Variants in NR6A1 observed in about 807,000 individuals in gnomAD.
The protein encoded by NR6A1 is nuclear receptor subfamily 6 group A member 1.
In NR6A1, 7 loss-of-function variants were observed where a neutral mutation model predicts 59.1. The ratio of observed to expected loss-of-function variants is 0.12; its 90% CI spans 0.07 to 0.22. The LOEUF is 0.22. Ranked by LOEUF, NR6A1 falls within the 10% of genes least tolerant of loss-of-function variation. NR6A1 has a pLI of 1.00. For synonymous variants in NR6A1, 243 were observed against 236.1 expected (o/e 1.03, Z -0.27); for missense variants, 468 against 611.6 (o/e 0.77, Z 2.48).
At chr9:124,589,699 A>G (rs1419709680) in intron 2 of NR6A1, among the ~76,000 whole-genome samples, 1 of 152,114 alleles carries the variant, frequency 6.6e-6, no homozygotes, top group Non-Finnish European at 1.5e-5. Flanking sequence ...TTTCTTGTGC[A>G]GTGGTTATTT....
intron 1 of NR6A1, among the ~76,000 whole-genome samples, chr9:124,750,141 A>C (rs2131170161): frequency 6.6e-6 from 1 of 152,372 alleles, no homozygotes; most frequent in Middle Eastern, 3.4e-3. Context: ...GGTTACTTTC[A>C]GTCCCTACCA....
chr9:124,593,507 C>T (rs1365514556), intron 2 of NR6A1, among the ~76,000 whole-genome samples: 1 of 152,164 alleles, frequency 6.6e-6, no homozygotes, highest in Admixed American at 6.5e-5. Context: ...CCCAAATGAT[C>T]ACCCTCTCCA....
intron 2 of NR6A1, among the ~76,000 whole-genome samples, chr9:124,591,363 T>C (rs1326155895): frequency 3.9e-5 from 6 of 152,302 alleles, no homozygotes; most frequent in East Asian, 3.9e-4. Flanking sequence ...TTGAGGTTCA[T>C]AGAGGTCAAG....
At chr9:124,654,856 C>T (rs1474859982) in intron 2 of NR6A1, among the ~76,000 whole-genome samples, 1 of 131,708 alleles carries the variant, frequency 7.6e-6, no homozygotes, top group East Asian at 2.2e-4. Flanking sequence ...TGCTTTTATA[C>T]ATACATTTTT....
chr9:124,683,948 A>T (rs1432236767), intron 2 of NR6A1, among the ~76,000 whole-genome samples: 1 of 152,250 alleles, frequency 6.6e-6, no homozygotes, highest in Non-Finnish European at 1.5e-5. Context: ...TTAGCAAAAA[A>T]GTCTCACAAC....
intron 7 of NR6A1, among the ~76,000 whole-genome samples, chr9:124,531,524 G>C (rs1468623822): frequency 1.3e-5 from 2 of 152,186 alleles, no homozygotes; most frequent in Non-Finnish European, 2.9e-5. Flanking sequence ...GGCAAGGTAG[G>C]AGAGTGCTAT....
rs1158892930 is a variant in NR6A1, at chr9:124,540,069, C to T, written c.560G>A (p.Ser187Asn). Residue 187 changes from serine to asparagine, a missense_variant, in exon 5 of 10, where the codon AGC becomes AAC. Around this residue, in one of 4 missense-constraint regions of NR6A1, gnomAD observed 151 missense variants for 142.8 expected, o/e 1.06. Transcript: ENST00000487099. ...TGTGGAGCCTGGTGAGGGCTGGTTG[C>T]TCTCCGAAGCCCTGTTCCCAGGGGA... ...HSSPGNRASESNQPSPGSTLS... is the reference protein window; with the variant it reads ...HSSPGNRASENNQPSPGSTLS... 6.2e-7 allele frequency: 1 copy of T among 1,608,436 alleles called. No homozygotes were observed. The highest frequency in any genetic ancestry group is 8.5e-7 in the Non-Finnish European group (1 of 1,179,198).
chr9:124,590,540 G>A (rs1376075993), intron 2 of NR6A1, among the ~76,000 whole-genome samples: 1 of 152,166 alleles, frequency 6.6e-6, no homozygotes, highest in Non-Finnish European at 1.5e-5. Context: ...GAGATCTGTA[G>A]TTTAGGTGAG....
At chr9:124,677,780 A>C (rs1186914694) in intron 2 of NR6A1, among the ~76,000 whole-genome samples, 1 of 152,112 alleles carries the variant, frequency 6.6e-6, no homozygotes, top group Non-Finnish European at 1.5e-5. Flanking sequence ...CTAATAATCA[A>C]ATCCAGCCTT....
intron 2 of NR6A1, among the ~76,000 whole-genome samples, chr9:124,670,249 A>G (rs1300451898): frequency 1.3e-5 from 2 of 151,268 alleles, no homozygotes; most frequent in Non-Finnish European, 2.9e-5. Context: ...AAAATTAGCC[A>G]GCTGTGATGG....
At chr9:124,595,031 A>G (rs1835231548) in intron 2 of NR6A1, among the ~76,000 whole-genome samples, 1 of 152,230 alleles carries the variant, frequency 6.6e-6, no homozygotes, top group Admixed American at 6.5e-5. Context: ...CAAAACTTTA[A>G]TACTAACATT....
chr9:124,628,381 G>A (rs558675348), intron 2 of NR6A1, among the ~76,000 whole-genome samples: 19 of 152,108 alleles, frequency 1.2e-4, no homozygotes, highest in Non-Finnish European at 1.6e-4. Flanking sequence ...GTCTTGCTCC[G>A]TCACCAGGCT....
intron 3 of NR6A1, among the ~76,000 whole-genome samples, chr9:124,544,507 C>T (rs184243978): frequency 6.5e-4 from 99 of 152,244 alleles, no homozygotes; most frequent in Non-Finnish European, 1.3e-3. Flanking sequence ...CCCTGATTTG[C>T]AATTATAGTA....
At chr9:124,758,343 TTC>T (rs1247136361) in intron 1 of NR6A1, among the ~76,000 whole-genome samples, 1 of 152,216 alleles carries the variant, frequency 6.6e-6, no homozygotes, top group Non-Finnish European at 1.5e-5. Flanking sequence ...GAAGTTTCCC[TTC>T]TGTTTTGCAA....
chr9:124,610,108 T>C (rs539059094), intron 2 of NR6A1, among the ~76,000 whole-genome samples: 4 of 152,352 alleles, frequency 2.6e-5, no homozygotes, highest in South Asian at 4.1e-4. Context: ...TCTTGACTGA[T>C]TTCCTGGCCA....
chr9:124,705,851 C>A (rs1399676665), intron 2 of NR6A1, among the ~76,000 whole-genome samples: 1 of 151,378 alleles, frequency 6.6e-6, no homozygotes, highest in East Asian at 1.9e-4. Flanking sequence ...TCTTGGCTCA[C>A]TGCAACCTCT....
Position 124,522,254 on chromosome 9 carries a change from T to C in NR6A1, c.*451A>G, listed in dbSNP as rs182776978. The C allele has an allele frequency of 4.0e-4, 62 of 156,638 alleles. No individual in the cohort carries two copies. The highest frequency in any genetic ancestry group is 1.1e-3 in the African/African-American group (45 of 41,632). The allele number at this position is 156,638 out of a possible 1,614,324, so 9.7% of individuals were successfully genotyped here. ...ATTTGCTCTCTGACAGACAAATGTA[T>C]GAGTCTGCTGAGAAAATGTGGAAAA... is the stretch of plus-strand genomic sequence containing the variant. On this transcript the variant is annotated 3_prime_UTR_variant, in exon 10 of 10. Coordinates refer to ENST00000487099, the MANE Select transcript of NR6A1 (RefSeq NM_033334.4).
chr9:124,663,914 T>TA (rs1033108979), intron 2 of NR6A1, among the ~76,000 whole-genome samples: 66 of 151,316 alleles, frequency 4.4e-4, no homozygotes, highest in Admixed American at 1.1e-3. Flanking sequence ...CCATTAAGTA[T>TA]AAAAAAAAAG....
chr9:124,727,973 A>G (rs1443465665), intron 2 of NR6A1, among the ~76,000 whole-genome samples: 1 of 151,476 alleles, frequency 6.6e-6, no homozygotes, highest in Admixed American at 6.6e-5. Flanking sequence ...ATGAGCCACC[A>G]TGCCTGGCCT....
Sources: gnomAD v4.1 joint callset for allele counts (sites outside exome capture counted in the v4.1 genomes callset) on GRCh38, gnomAD v4.1.1 for gene constraint, gnomAD v4.1.1 regional missense constraint, MANE v1.5 for transcripts, NCBI Gene and HGNC (gene_info 2026-07-23, HGNC 2026-07-21) for gene names.